TMEM97: variants seen among roughly 807,000 people sequenced by gnomAD.
TMEM97 encodes transmembrane protein 97.
Under a neutral mutation model 18.3 loss-of-function variants are expected in TMEM97, and 13 were observed. The observed-to-expected ratio is 0.71, with a 90% CI of 0.46 to 1.13. TMEM97 has a LOEUF of 1.13. TMEM97 is among the 50% of genes most tolerant of loss of function. The probability of loss-of-function intolerance (pLI) is 0.00; values close to 1 mark genes in which losing one functional copy is unlikely to be tolerated. For synonymous variants in TMEM97, 76 were observed against 85.3 expected, an observed-to-expected ratio of 0.89 and a Z score of 0.60; for missense variants, 205 against 210.5, an observed-to-expected ratio of 0.97 and a Z score of 0.16.
At chr17:28,323,742 T>G (rs1906235832) in intron 1 of TMEM97, among the ~76,000 whole-genome samples, 1 of 152,200 alleles carries the variant, frequency 6.6e-6, no homozygotes, top group Admixed American at 6.5e-5. Flanking sequence ...GTGCAGTGGC[T>G]CACACCTGTA....
chr17:28,325,879 C>T (rs1160593608), intron 2 of TMEM97: 1 of 571,622 alleles, frequency 1.7e-6, no homozygotes, highest in Non-Finnish European at 3.1e-6. Flanking sequence ...AAATCCCTTG[C>T]ATACACATGA....
At position 28,326,520 on chromosome 17, in the gene TMEM97, C is replaced by T. The variant is rs1906345440; in HGVS notation, c.272-14C>T. The T allele has an allele frequency of 2.5e-6, 4 of 1,608,926 alleles. No individual in the cohort carries two copies. The highest frequency in any genetic ancestry group is 3.4e-6 in the Non-Finnish European group (4 of 1,177,134). Reference sequence around the variant, plus strand: ...ACAGACCTAACCATTTTTCTTTTCCCCTGACTACCTCAGGAAGCTGCAAGT... The same window carrying T: ...ACAGACCTAACCATTTTTCTTTTCCTCTGACTACCTCAGGAAGCTGCAAGT... On this transcript the variant is annotated splice_polypyrimidine_tract_variant and intron_variant, in intron 2 of 2. Coordinates refer to ENST00000226230, the MANE Select transcript of TMEM97 (RefSeq NM_014573.3).
In TMEM97 at chr17:28,328,077, T is replaced by C. The variant is rs1906443556; in HGVS notation, c.*1284T>C. 6.5e-6 allele frequency: 1 copy of C among 153,094 alleles called. No individual in the cohort carries two copies. The highest frequency in any genetic ancestry group is 1.5e-5 in the Non-Finnish European group (1 of 68,388). 9.5% of individuals were successfully genotyped at this position (153,094 alleles called of 1,614,324 possible). A position where few individuals can be genotyped will look rare whatever the true frequency, so the allele number is the denominator to read the frequency against. Reference sequence around the variant, plus strand: ...ATTCCATCAGCTTTCTCTAAGTCTTTGCTCAAGTTCAACCTTAAAATGATG... The same window carrying C: ...ATTCCATCAGCTTTCTCTAAGTCTTCGCTCAAGTTCAACCTTAAAATGATG... On this transcript the variant is annotated 3_prime_UTR_variant, in exon 3 of 3. Transcript: ENST00000226230.
At chr17:28,326,046 T>G (rs974401060) in intron 2 of TMEM97, among the ~76,000 whole-genome samples, 3 of 152,232 alleles carry the variant, frequency 2.0e-5, no homozygotes, top group Non-Finnish European at 1.5e-5. Flanking sequence ...TGCTTCTCAT[T>G]TTAAAATTAT....
rs1429453263 is a variant in TMEM97 at position 28,327,804 on chromosome 17, TTTAAA to T, written c.*1015_*1019del. 2 of 152,234 alleles carry T rather than the reference TTTAAA, an allele frequency of 1.3e-5. No homozygotes were observed. The highest frequency in any genetic ancestry group is 4.8e-5 in the African/African-American group (2 of 41,460). The allele number at this position is 152,234 out of a possible 1,614,324, so 9.4% of individuals were successfully genotyped here. A position where few individuals can be genotyped will look rare whatever the true frequency, so the allele number is the denominator to read the frequency against. Reference sequence around the variant, plus strand: ...CGAAAGTTTTTTTTGTTTGTTTGCTTTTAAATTAGTTTATTTCTAAATCTTAGTCT... The same window carrying T: ...CGAAAGTTTTTTTTGTTTGTTTGCTTTTAGTTTATTTCTAAATCTTAGTCT... On this transcript the variant is annotated 3_prime_UTR_variant, in exon 3 of 3. Coordinates refer to ENST00000226230, the MANE Select transcript of TMEM97 (RefSeq NM_014573.3).
rs1197906382 is a variant in TMEM97, at chr17:28,319,363, GA to G, written c.125del (p.Glu42GlyfsTer6). On this transcript the variant is annotated frameshift_variant and splice_region_variant, in exon 1 of 3. Transcript: ENST00000226230. LOFTEE classifies it high-confidence loss of function. The part of the protein sequence containing the change: ...AVLPRELYPV[E>X]FRNLLKWYAK... ...GCTGCCGCGCGAGCTCTACCCAGTCGAGGTGAGGGGCGCCCCTCTTATCCCG... is the reference window on the plus strand; with the variant it reads ...GCTGCCGCGCGAGCTCTACCCAGTCGGGTGAGGGGCGCCCCTCTTATCCCG... The G allele has an allele frequency of 1.3e-6, 2 of 1,591,426 alleles. No individual in the cohort carries two copies. The highest frequency in any genetic ancestry group is 1.7e-6 in the Non-Finnish European group (2 of 1,169,492).
chr17:28,328,528 C>T lies in TMEM97; in HGVS notation c.*1735C>T. ...AGTGCTGTCTTCAGGGGGCTGCATT[C>T]CTTACACGCCACCTCTTGTGACATA... is the stretch of plus-strand genomic sequence containing the variant. On this transcript the variant is annotated 3_prime_UTR_variant, in exon 3 of 3. Coordinates refer to ENST00000226230, the MANE Select transcript of TMEM97 (RefSeq NM_014573.3). 1 of 689,944 alleles carries T rather than the reference C, an allele frequency of 1.4e-6. No homozygotes were observed. The highest frequency in any genetic ancestry group is 1.7e-5 in the South Asian group (1 of 59,670). 42.7% of individuals were successfully genotyped at this position (689,944 alleles called of 1,614,324 possible). A position where few individuals can be genotyped will look rare whatever the true frequency, so the allele number is the denominator to read the frequency against.
At chr17:28,325,424 A>G in intron 1 of TMEM97, 79 bp from the exon 2 acceptor site, 1 of 1,549,786 alleles carries the variant, frequency 6.5e-7, no homozygotes, top group Non-Finnish European at 8.7e-7. Flanking sequence ...AGGCTCCTCC[A>G]GTGTATTTTC....
chr17:28,323,587 CGAG>C (rs1485561178), intron 1 of TMEM97, among the ~76,000 whole-genome samples: 2 of 152,070 alleles, frequency 1.3e-5, no homozygotes, highest in Non-Finnish European at 2.9e-5. Flanking sequence ...TTAGTAGAGA[CGAG>C]GTTTCACCAT....
At chr17:28,321,033 G>T (rs1197735590) in intron 1 of TMEM97, among the ~76,000 whole-genome samples, 1 of 152,228 alleles carries the variant, frequency 6.6e-6, no homozygotes, top group Non-Finnish European at 1.5e-5. Flanking sequence ...TTAGGATGTG[G>T]TTATCTTTGG....
chr17:28,326,879 C>T lies in TMEM97; in HGVS notation c.*86C>T, dbSNP rs1408223993. 1.8e-5 allele frequency: 27 copies of T among 1,461,916 alleles called. No individual in the cohort carries two copies. The African/African-American group carries it at 2.1e-4, about 11-fold the overall frequency. 90.6% of individuals were successfully genotyped at this position (1,461,916 alleles called of 1,614,324 possible). ...TACAAGGAACACTGCTCAGAACCCA[C>T]GTCTTCAGCAGCATTTGAAACACTG... On this transcript the variant is annotated 3_prime_UTR_variant, in exon 3 of 3. Coordinates refer to ENST00000226230, the MANE Select transcript of TMEM97 (RefSeq NM_014573.3).
chr17:28,322,710 G>A (rs897042254), intron 1 of TMEM97, among the ~76,000 whole-genome samples: 3 of 152,214 alleles, frequency 2.0e-5, no homozygotes, highest in Admixed American at 2.0e-4. Context: ...ATCAGTCTGT[G>A]TTCCCATTCT....
chr17:28,323,994 C>CA (rs544383734), intron 1 of TMEM97, among the ~76,000 whole-genome samples: 1 of 151,490 alleles, frequency 6.6e-6, no homozygotes, highest in Admixed American at 6.6e-5. Flanking sequence ...GAGACTGTCT[C>CA]AAAAAAAATA....
intron 1 of TMEM97, among the ~76,000 whole-genome samples, chr17:28,323,267 C>T (rs145113031): frequency 3.1e-4 from 47 of 152,170 alleles, no homozygotes; most frequent in African/African-American, 1.0e-3. Context: ...TTCATTATTA[C>T]GACATCTGGG....
Position 28,327,351 on chromosome 17 carries a change from A to G in TMEM97, c.*558A>G, listed in dbSNP as rs1173945132. The G allele has an allele frequency of 1.3e-5, 2 of 154,524 alleles. No individual in the cohort carries two copies. The highest frequency in any genetic ancestry group is 4.8e-5 in the African/African-American group (2 of 41,444). The allele number at this position is 154,524 out of a possible 1,614,324, so 9.6% of individuals were successfully genotyped here. The stretch of plus-strand genomic sequence containing the variant: ...GGCAAAGGGGTGTGGGCTAGGTTAT[A>G]AGGAAGTGGTACCAAATAACTGTGT... On this transcript the variant is annotated 3_prime_UTR_variant, in exon 3 of 3. Transcript: ENST00000226230.
chr17:28,328,103 T>G lies in TMEM97; in HGVS notation c.*1310T>G, dbSNP rs1314783053. The G allele has an allele frequency of 6.5e-6, 1 of 153,210 alleles. No homozygotes were observed. Among genetic ancestry groups the G allele is most frequent in the Non-Finnish European group, 1.5e-5 (1 of 68,520 alleles). 9.5% of individuals were successfully genotyped at this position (153,210 alleles called of 1,614,324 possible). A position where few individuals can be genotyped will look rare whatever the true frequency, so the allele number is the denominator to read the frequency against. On this transcript the variant is annotated 3_prime_UTR_variant, in exon 3 of 3. Transcript: ENST00000226230. ...GCTCAAGTTCAACCTTAAAATGATG[T>G]TAGACAACAGGTCCCAGTCAGTTCC...
intron 2 of TMEM97, among the ~76,000 whole-genome samples, chr17:28,326,324 C>T (rs935489409): frequency 1.2e-4 from 19 of 152,130 alleles, no homozygotes; most frequent in African/African-American, 4.6e-4. Flanking sequence ...TATGTTCTGA[C>T]CCCCATTCTT....
At chr17:28,326,035 G>A (rs370859088) in intron 2 of TMEM97, among the ~76,000 whole-genome samples, 1 of 152,160 alleles carries the variant, frequency 6.6e-6, no homozygotes, top group South Asian at 2.1e-4. Flanking sequence ...AATCCCTAAT[G>A]TGCTTCTCAT....
rs554497951 is a variant in TMEM97, at chr17:28,319,900, G to A, written c.126+535G>A. On this transcript the variant is annotated intron_variant, in intron 1 of 2. Coordinates refer to ENST00000226230, the MANE Select transcript of TMEM97 (RefSeq NM_014573.3). Reference sequence around the variant, plus strand: ...AACTTCCAGAGCTCAGGAGTAAATTGCCATCTTTTCAGATTGGCTCTTCAA... The same window carrying A: ...AACTTCCAGAGCTCAGGAGTAAATTACCATCTTTTCAGATTGGCTCTTCAA... 5.3e-5 allele frequency among the ~76,000 whole-genome samples: 8 copies of A among 152,238 alleles called. No individual in the cohort carries two copies. In the South Asian group the frequency reaches 1.5e-3, roughly 28 times the overall value.
Sources: allele counts gnomAD v4.1 joint callset (sites outside exome capture counted in the v4.1 genomes callset), GRCh38; gene constraint gnomAD v4.1.1; transcripts MANE v1.5; gene names NCBI Gene and HGNC (gene_info 2026-07-23, HGNC 2026-07-21).